Variants in CNTN1 observed in about 807,000 individuals in gnomAD.
CNTN1 encodes the protein contactin 1.
Under a neutral mutation model 126.4 loss-of-function variants are expected in CNTN1, and 38 were observed. The ratio of observed to expected loss-of-function variants is 0.30; its 90% CI spans 0.23 to 0.39. CNTN1 has a LOEUF of 0.39. CNTN1 is among the 10% of genes least tolerant of loss of function. The probability of loss-of-function intolerance (pLI) is 1.00; values close to 1 mark genes in which losing one functional copy is unlikely to be tolerated. For missense variants in CNTN1, 1,009 were observed against 1,248.4 expected, an observed-to-expected ratio of 0.81 and a Z score of 2.89; for synonymous variants, 413 against 422.6, an observed-to-expected ratio of 0.98 and a Z score of 0.28.
At chr12:40,909,408 A>G (rs1350721283) in intron 2 of CNTN1, among the ~76,000 whole-genome samples, 1 of 151,806 alleles carries the variant, frequency 6.6e-6, no homozygotes, top group Non-Finnish European at 1.5e-5. Context: ...TTGAATTCTA[A>G]CAACCAATTT....
At chr12:41,067,818 G>A (rs1013044647) in intron 23 of CNTN1, among the ~76,000 whole-genome samples, 10 of 151,610 alleles carry the variant, frequency 6.6e-5, no homozygotes, top group African/African-American at 2.2e-4. Flanking sequence ...AAACATTGAC[G>A]TTTAAAGGTT....
chr12:40,788,528 G>A (rs994068587), intron 1 of CNTN1, among the ~76,000 whole-genome samples: 2 of 152,040 alleles, frequency 1.3e-5, no homozygotes, highest in African/African-American at 4.8e-5. Context: ...CCTGCCAGCA[G>A]CCTCAGTCAA....
chr12:40,708,971 T>C (rs1215353487), intron 1 of CNTN1, among the ~76,000 whole-genome samples: 2 of 152,242 alleles, frequency 1.3e-5, no homozygotes, highest in Non-Finnish European at 2.9e-5. Flanking sequence ...TTAATACTGA[T>C]ACTTCGATTT....
At chr12:40,805,705 G>C (rs1273180614) in intron 1 of CNTN1, among the ~76,000 whole-genome samples, 1 of 151,706 alleles carries the variant, frequency 6.6e-6, no homozygotes, top group Non-Finnish European at 1.5e-5. Context: ...ATAGTTTGCT[G>C]TGTGTGTGTA....
chr12:41,035,177 TAGACTC>T (rs1051140789), intron 23 of CNTN1, among the ~76,000 whole-genome samples: 2 of 152,316 alleles, frequency 1.3e-5, no homozygotes, highest in African/African-American at 4.8e-5. Flanking sequence ...CTCATTTAGT[TAGACTC>T]AGAAATAATT....
intron 3 of CNTN1, 77 bp from the exon 4 acceptor site, chr12:40,918,562 A>G: frequency 7.9e-7 from 1 of 1,264,222 alleles, no homozygotes. Flanking sequence ...TTTTTCAAGT[A>G]ATTTTTTTTC....
At chr12:40,898,291 G>C (rs1464212034) in intron 1 of CNTN1, among the ~76,000 whole-genome samples, 1 of 151,874 alleles carries the variant, frequency 6.6e-6, no homozygotes, top group Admixed American at 6.6e-5. Context: ...AATATGTCTG[G>C]ACATGGTAGA....
At chr12:41,031,576 G>T (rs1390058940) in intron 23 of CNTN1, among the ~76,000 whole-genome samples, 1 of 152,106 alleles carries the variant, frequency 6.6e-6, no homozygotes, top group Non-Finnish European at 1.5e-5. Context: ...TTCAGGGGTT[G>T]TATCGGTTGA....
intron 1 of CNTN1, among the ~76,000 whole-genome samples, chr12:40,810,249 T>C (rs371325503): frequency 7.9e-5 from 12 of 152,256 alleles, no homozygotes; most frequent in African/African-American, 2.9e-4. Context: ...ACTTGACAAA[T>C]AAAAATTTTA....
intron 6 of CNTN1, among the ~76,000 whole-genome samples, chr12:40,928,453 A>G (rs1368682788): frequency 6.6e-6 from 1 of 152,058 alleles, no homozygotes; most frequent in Non-Finnish European, 1.5e-5. Context: ...AAACAAATGA[A>G]AAGAATTCAA....
chr12:40,736,067 A>G (rs1937666734), intron 1 of CNTN1, among the ~76,000 whole-genome samples: 1 of 152,016 alleles, frequency 6.6e-6, no homozygotes, highest in Non-Finnish European at 1.5e-5. Flanking sequence ...TCATACAAAC[A>G]TCCAATCCCC....
chr12:41,014,791 A>G (rs1443519956), intron 18 of CNTN1, among the ~76,000 whole-genome samples: 3 of 152,166 alleles, frequency 2.0e-5, no homozygotes, highest in Non-Finnish European at 4.4e-5. Flanking sequence ...AAAGCATTTT[A>G]TTACAGTTTC....
At chr12:40,737,369 A>ATATATATG (rs1325605889) in intron 1 of CNTN1, among the ~76,000 whole-genome samples, 1 of 143,042 alleles carries the variant, frequency 7.0e-6, no homozygotes, top group East Asian at 2.0e-4. Context: ...GTATATATAT[A>ATATATATG]TATATATATA....
At position 41,014,320 on chromosome 12, in the gene CNTN1, A is replaced by G. The variant is rs200254482; in HGVS notation, c.2184+22A>G. The G allele has an allele frequency of 1.4e-4, 224 of 1,611,974 alleles. No homozygotes were observed. The African/African-American group carries it at 2.8e-3, about 20-fold the overall frequency. ...GGCGGTAAGTATTGATGAGTTGCAC[A>G]TATTATAGGTTGCTGTATCTATATT... On this transcript the variant is annotated intron_variant, in intron 18 of 23. Coordinates refer to ENST00000551295, the MANE Select transcript of CNTN1 (RefSeq NM_001843.4).
In CNTN1 at chr12:40,917,240, TAAAC is replaced by T. The variant is rs1162916685; in HGVS notation, c.95-1395_95-1392del. Among the ~76,000 whole-genome samples, 8 of 152,154 alleles carry T rather than the reference TAAAC, an allele frequency of 5.3e-5. No individual in the cohort carries two copies. The South Asian group carries it at 1.7e-3, about 32-fold the overall frequency. On this transcript the variant is annotated intron_variant, in intron 3 of 23. Coordinates refer to ENST00000551295, the MANE Select transcript of CNTN1 (RefSeq NM_001843.4). The stretch of plus-strand genomic sequence containing the variant: ...GAATAGCTTATATACATAAGAAACA[TAAAC>T]AAAATTTTGAAGAGATTGGCAAATT...
At chr12:41,039,656 A>G (rs149096871) in intron 23 of CNTN1, among the ~76,000 whole-genome samples, 31 of 152,258 alleles carry the variant, frequency 2.0e-4, no homozygotes, top group African/African-American at 7.5e-4. Flanking sequence ...CAGATGACAT[A>G]AACTTGTCAG....
At chr12:40,853,172 C>A (rs1168732322) in intron 1 of CNTN1, among the ~76,000 whole-genome samples, 2 of 151,736 alleles carry the variant, frequency 1.3e-5, no homozygotes, top group African/African-American at 4.8e-5. Flanking sequence ...GGTTTTGTTA[C>A]CAGATATGAC....
At chr12:40,821,139 T>A (rs1191851574) in intron 1 of CNTN1, among the ~76,000 whole-genome samples, 1 of 152,248 alleles carries the variant, frequency 6.6e-6, no homozygotes, top group East Asian at 1.9e-4. Flanking sequence ...CAGGTCTAAT[T>A]GTCTTGAGAC....
intron 1 of CNTN1, among the ~76,000 whole-genome samples, chr12:40,847,516 G>A (rs1942556031): frequency 6.6e-6 from 1 of 151,840 alleles, no homozygotes; most frequent in South Asian, 2.1e-4. Flanking sequence ...TATTTCAGGG[G>A]AAAAAAACTG....
Sources: allele counts gnomAD v4.1 joint callset (sites outside exome capture counted in the v4.1 genomes callset), GRCh38; gene constraint gnomAD v4.1.1; transcripts MANE v1.5; gene names NCBI Gene and HGNC (gene_info 2026-07-23, HGNC 2026-07-21).